The following ZNF521 variants were observed in gnomAD, a reference collection of about 807,000 sequenced individuals.
The protein encoded by ZNF521 is LYST-interacting protein 3.
ZNF521 carries 14 observed loss-of-function variants against 105.5 expected under a neutral mutation model. The ratio of observed to expected loss-of-function variants is 0.13; its 90% CI spans 0.09 to 0.21. ZNF521 has a LOEUF of 0.21. Ranked by LOEUF, ZNF521 falls within the 10% of genes least tolerant of loss-of-function variation. The pLI is 1.00. For synonymous variants in ZNF521, 635 were observed against 606.0 expected (o/e 1.05, Z -0.70); for missense variants, 1,233 against 1,629.7 (o/e 0.76, Z 4.19).
intron 5 of ZNF521, among the ~76,000 whole-genome samples, chr18:25,186,400 AT>A (rs1472318547): frequency 6.6e-6 from 1 of 152,216 alleles, no homozygotes; most frequent in African/African-American, 2.4e-5. Context: ...TTTCAAATTC[AT>A]TTGTATTATA....
intron 3 of ZNF521, among the ~76,000 whole-genome samples, chr18:25,284,912 A>G (rs8097035): frequency 0.25 from 35,442 of 144,568 alleles, 4,258 homozygotes; most frequent in South Asian, 0.38. Flanking sequence ...GCGCGCGCGC[A>G]CACACACACA....
At chr18:25,306,809 A>G (rs554642971) in intron 3 of ZNF521, among the ~76,000 whole-genome samples, 1 of 151,788 alleles carries the variant, frequency 6.6e-6, no homozygotes, top group South Asian at 2.1e-4. Context: ...AAGGCTGGAG[A>G]GAAACTTAGA....
At chr18:25,283,480 C>T (rs1013348524) in intron 3 of ZNF521, among the ~76,000 whole-genome samples, 2 of 152,178 alleles carry the variant, frequency 1.3e-5, no homozygotes, top group Non-Finnish European at 2.9e-5. Context: ...TCTATAAAAC[C>T]TTCACAGGAT....
intron 4 of ZNF521, among the ~76,000 whole-genome samples, chr18:25,212,900 C>T (rs2036217442): frequency 6.6e-6 from 1 of 150,932 alleles, no homozygotes; most frequent in Non-Finnish European, 1.5e-5. Flanking sequence ...GATTTGGTAC[C>T]CAGCAACTTT....
chr18:25,201,601 A>G (rs549989286), intron 4 of ZNF521: 1 of 152,312 alleles, frequency 6.6e-6, no homozygotes, highest in Admixed American at 6.5e-5. Flanking sequence ...AAAGTTACAG[A>G]GCCATTTTTC....
At chr18:25,278,473 T>C (rs1600248548) in intron 3 of ZNF521, among the ~76,000 whole-genome samples, 1 of 152,312 alleles carries the variant, frequency 6.6e-6, no homozygotes, top group South Asian at 2.1e-4. Flanking sequence ...GTTATGACCC[T>C]CCACTAGCTG....
At chr18:25,168,741 A>G (rs978968437) in intron 5 of ZNF521, among the ~76,000 whole-genome samples, 7 of 152,182 alleles carry the variant, frequency 4.6e-5, no homozygotes, top group African/African-American at 7.2e-5. Context: ...ATTACCTGAG[A>G]TATCTTCCAG....
chr18:25,351,872 T>TCGGCAGCGGCGGCGGCAGCAGCGG (rs1332462840), intron 1 of ZNF521, 133 bp downstream of exon 1: 43 of 268,152 alleles, frequency 1.6e-4, no homozygotes, highest in East Asian at 5.8e-4. Flanking sequence ...TACGGCTGCC[T>TCGGCAGCGGCGGCGGCAGCAGCGG]CGGCAGCGGC....
intron 3 of ZNF521, chr18:25,231,616 G>A (rs1376792404): frequency 1.3e-5 from 2 of 152,150 alleles, no homozygotes; most frequent in Admixed American, 1.3e-4. Context: ...CTGCCATTGT[G>A]GAAGAGAAAT....
intron 7 of ZNF521, among the ~76,000 whole-genome samples, chr18:25,071,131 A>C (rs1287572150): frequency 6.6e-6 from 1 of 152,188 alleles, no homozygotes; most frequent in East Asian, 1.9e-4. Context: ...TCTTCATTAT[A>C]AGATGGTATT....
At chr18:25,185,408 T>G (rs2035703534) in intron 5 of ZNF521, among the ~76,000 whole-genome samples, 1 of 152,098 alleles carries the variant, frequency 6.6e-6, no homozygotes, top group African/African-American at 2.4e-5. Flanking sequence ...AAAAATGATG[T>G]CTGCAGTGTT....
At chr18:25,279,175 G>A (rs1910215684) in intron 3 of ZNF521, among the ~76,000 whole-genome samples, 1 of 152,140 alleles carries the variant, frequency 6.6e-6, no homozygotes, top group African/African-American at 2.4e-5. Context: ...GAGTGGCATT[G>A]TTTATACAAC....
chr18:25,177,841 G>T (rs2035560605), intron 5 of ZNF521, among the ~76,000 whole-genome samples: 1 of 152,152 alleles, frequency 6.6e-6, no homozygotes, highest in Non-Finnish European at 1.5e-5. Context: ...GACCCAGATG[G>T]CACTTTCTTT....
At position 25,270,771 on chromosome 18, in the gene ZNF521, G is replaced by A. The variant is rs184514631; in HGVS notation, c.221-43074C>T. Among the ~76,000 whole-genome samples, 40 of 152,140 alleles carry A rather than the reference G, an allele frequency of 2.6e-4. No individual in the cohort carries two copies. In the East Asian group the frequency reaches 3.7e-3, roughly 14 times the overall value. On this transcript the variant is annotated intron_variant, in intron 3 of 7. Coordinates refer to ENST00000361524, the MANE Select transcript of ZNF521 (RefSeq NM_015461.3). ...TTAATAAACTAGGTATTGATGGAAC[G>A]TATCTCAAAATAATAAGAGCTATTT... is the stretch of plus-strand genomic sequence containing the variant.
chr18:25,213,591 C>A, intron 4 of ZNF521, among the ~76,000 whole-genome samples: 1 of 151,902 alleles, frequency 6.6e-6, no homozygotes, highest in East Asian at 1.9e-4. Context: ...ATAAAAGTGG[C>A]CTACATTTCT....
chr18:25,256,604 C>T (rs78620541), intron 3 of ZNF521, among the ~76,000 whole-genome samples: 1 of 151,994 alleles, frequency 6.6e-6, no homozygotes, highest in East Asian at 1.9e-4. Context: ...ACTCTACGCT[C>T]AAGACTTTAA....
rs1909119886 is a variant in ZNF521, at chr18:25,264,535, CATATT to C, written c.221-36843_221-36839del. On this transcript the variant is annotated intron_variant, in intron 3 of 7. Coordinates refer to ENST00000361524, the MANE Select transcript of ZNF521 (RefSeq NM_015461.3). ...ATTTATCAATTTTGTCCATATTAAA[CATATT>C]ATGAGTTTCCTAAGATCAATATTTC... Among the ~76,000 whole-genome samples the C allele has an allele frequency of 3.3e-5, 5 of 152,176 alleles. No homozygotes were observed. In the South Asian group the frequency reaches 8.3e-4, roughly 25 times the overall value.
At chr18:25,147,803 T>C (rs1382306625) in intron 5 of ZNF521, among the ~76,000 whole-genome samples, 1 of 152,214 alleles carries the variant, frequency 6.6e-6, no homozygotes, top group Non-Finnish European at 1.5e-5. Context: ...GTTTATAATC[T>C]TTCGTGCAGA....
At chr18:25,063,313 G>T (rs1448580571) in intron 7 of ZNF521, among the ~76,000 whole-genome samples, 1 of 152,142 alleles carries the variant, frequency 6.6e-6, no homozygotes, top group Non-Finnish European at 1.5e-5. Flanking sequence ...GGCTGATGAT[G>T]GACAGTGGGA....
Sources: gnomAD v4.1 joint callset for allele counts (sites outside exome capture counted in the v4.1 genomes callset) on GRCh38, gnomAD v4.1.1 for gene constraint, MANE v1.5 for transcripts, NCBI Gene and HGNC (gene_info 2026-07-23, HGNC 2026-07-21) for gene names.